The following ZNF431 variants were observed in gnomAD, a reference collection of about 807,000 sequenced individuals.
ZNF431 encodes zinc finger protein 431.
ZNF431 carries 34 observed loss-of-function variants against 57.0 expected under a neutral mutation model. The ratio of observed to expected loss-of-function variants is 0.60; its 90% CI spans 0.45 to 0.79. The LOEUF is 0.79. ZNF431 is among the 30% of genes least tolerant of loss of function. The pLI is 0.00. For missense variants in ZNF431, 607 were observed against 667.1 expected (o/e 0.91, Z 0.99); for synonymous variants, 207 against 220.3 (o/e 0.94, Z 0.54).
intron 2 of ZNF431, among the ~76,000 whole-genome samples, chr19:21,148,297 T>C (rs2144928766): frequency 6.6e-6 from 1 of 152,264 alleles, no homozygotes; most frequent in South Asian, 2.1e-4. Context: ...GCCCGGCCTC[T>C]TAATGAATCT....
chr19:21,149,028 A>G (rs967847343), intron 2 of ZNF431, among the ~76,000 whole-genome samples: 1 of 152,238 alleles, frequency 6.6e-6, no homozygotes, highest in Non-Finnish European at 1.5e-5. Flanking sequence ...TTCATGACTT[A>G]TACAGACCAT....
At chr19:21,146,435 A>C (rs2144922476) in intron 2 of ZNF431, among the ~76,000 whole-genome samples, 1 of 151,822 alleles carries the variant, frequency 6.6e-6, no homozygotes, top group South Asian at 2.1e-4. Context: ...AAAGAAGAAG[A>C]AAGAAAGTAA....
At chr19:21,154,210 C>T (rs1262748405) in intron 2 of ZNF431, among the ~76,000 whole-genome samples, 2 of 152,146 alleles carry the variant, frequency 1.3e-5, no homozygotes, top group East Asian at 1.9e-4. Context: ...TGATGTTCCC[C>T]TTCCTGTGTC....
At chr19:21,174,549 A>G (rs1023924778) in intron 4 of ZNF431, among the ~76,000 whole-genome samples, 1 of 152,192 alleles carries the variant, frequency 6.6e-6, no homozygotes, top group African/African-American at 2.4e-5. Flanking sequence ...GTTATATACA[A>G]GCATATTATA....
chr19:21,157,921 CT>C (rs1429040981), intron 2 of ZNF431, among the ~76,000 whole-genome samples: 2 of 150,644 alleles, frequency 1.3e-5, no homozygotes, highest in African/African-American at 4.9e-5. Flanking sequence ...TACCGTTCTG[CT>C]TTTGTTACCG....
intron 2 of ZNF431, among the ~76,000 whole-genome samples, chr19:21,147,232 A>G (rs1374420625): frequency 6.6e-6 from 1 of 152,146 alleles, no homozygotes; most frequent in Non-Finnish European, 1.5e-5. Flanking sequence ...CCTGCCTGTA[A>G]TCTCAGCCCT....
chr19:21,157,757 C>T (rs549987678), intron 2 of ZNF431, among the ~76,000 whole-genome samples: 17 of 151,508 alleles, frequency 1.1e-4, no homozygotes, highest in Non-Finnish European at 2.1e-4. Flanking sequence ...GTTTCAAACC[C>T]GACCCCATGA....
intron 2 of ZNF431, among the ~76,000 whole-genome samples, chr19:21,157,680 C>T (rs62124923): frequency 0.14 from 21,298 of 151,190 alleles, 1,848 homozygotes; most frequent in Non-Finnish European, 0.2. Flanking sequence ...TACAGGTGTG[C>T]GCCACCACGC....
In ZNF431 at chr19:21,167,653, G is replaced by A. The variant is rs764661029; in HGVS notation, c.306G>A (p.Val102=). ...GGAATATGAAGAGACATGAGATGGT[G>A]GATGAACCCCCAGGTAGGTGAGAGT... ...EPWNMKRHEM[V]DEPPAMCSYF... The change falls in exon 4 of 5, where the codon GTG becomes GTA. Residue 102 remains valine, a synonymous_variant. Transcript: ENST00000311048. The A allele has an allele frequency of 4.4e-6, 7 of 1,575,392 alleles. No individual in the cohort carries two copies. In the East Asian group the frequency reaches 1.4e-4, roughly 31 times the overall value.
At chr19:21,144,803 T>C (rs1380965876) in intron 2 of ZNF431, among the ~76,000 whole-genome samples, 1 of 152,184 alleles carries the variant, frequency 6.6e-6, no homozygotes, top group African/African-American at 2.4e-5. Context: ...GTGAGTTACA[T>C]AGATTCATGA....
At chr19:21,179,642 C>T (rs1399129258) in intron 4 of ZNF431, among the ~76,000 whole-genome samples, 1 of 150,002 alleles carries the variant, frequency 6.7e-6, no homozygotes, top group African/African-American at 2.5e-5. Flanking sequence ...TCACTGCAAC[C>T]TCCGCCTCCC....
At position 21,194,801 on chromosome 19, in the gene ZNF431, T is replaced by C. The variant is rs29724; in HGVS notation, c.*10767T>C. 0.35 allele frequency: 52,836 copies of C among 152,060 alleles called. 9,612 individuals are homozygous for C. The highest frequency in any genetic ancestry group is 0.37 in the African/African-American group (15,459 of 41,438). 9.4% of individuals were successfully genotyped at this position (152,060 alleles called of 1,614,324 possible). ...AGAAACATGATTTCTCGAATTTTGCTAGGATTTTAATTTACAAAAGAAAGG... is the reference window on the plus strand; with the variant it reads ...AGAAACATGATTTCTCGAATTTTGCCAGGATTTTAATTTACAAAAGAAAGG... On this transcript the variant is annotated 3_prime_UTR_variant, in exon 5 of 5. Coordinates refer to ENST00000311048, the MANE Select transcript of ZNF431 (RefSeq NM_133473.4).
chr19:21,176,995 G>A (rs1393905868), intron 4 of ZNF431, among the ~76,000 whole-genome samples: 1 of 152,142 alleles, frequency 6.6e-6, no homozygotes, highest in East Asian at 1.9e-4. Context: ...ACCACACCTG[G>A]TGATAATTAC....
At chr19:21,155,011 G>A (rs551172814) in intron 2 of ZNF431, among the ~76,000 whole-genome samples, 1 of 152,134 alleles carries the variant, frequency 6.6e-6, no homozygotes, top group Non-Finnish European at 1.5e-5. Flanking sequence ...CTGTGCAGAA[G>A]CTCTTGAGTT....
chr19:21,172,177 C>T (rs556521551), intron 4 of ZNF431, among the ~76,000 whole-genome samples: 2 of 150,590 alleles, frequency 1.3e-5, no homozygotes, highest in South Asian at 4.2e-4. Flanking sequence ...GCCTATAATC[C>T]CAGCACTTTG....
rs1970726861 is a variant in ZNF431, at chr19:21,166,588, C to T, written c.223+127C>T. On this transcript the variant is annotated intron_variant, in intron 3 of 4. Coordinates refer to ENST00000311048, the MANE Select transcript of ZNF431 (RefSeq NM_133473.4). ...TTCTAATCCCAGTTTTCAAGAAAAT[C>T]TTGATGATTTGTCCGTGTGGAAAAG... is the stretch of plus-strand genomic sequence containing the variant. 6 of 1,154,312 alleles carry T rather than the reference C, an allele frequency of 5.2e-6. No individual in the cohort carries two copies. In the South Asian group the frequency reaches 1.0e-4, roughly 19 times the overall value. The allele number at this position is 1,154,312 out of a possible 1,614,324, so 71.5% of individuals were successfully genotyped here. A position where few individuals can be genotyped will look rare whatever the true frequency, so the allele number is the denominator to read the frequency against.
At chr19:21,157,231 G>A (rs1555707096) in intron 2 of ZNF431, among the ~76,000 whole-genome samples, 2 of 151,696 alleles carry the variant, frequency 1.3e-5, no homozygotes, top group East Asian at 2.0e-4. Context: ...TCTGCCTCCT[G>A]GGTTCAAGCA....
chr19:21,160,431 T>A (rs890559065), intron 2 of ZNF431, among the ~76,000 whole-genome samples: 3 of 152,144 alleles, frequency 2.0e-5, no homozygotes, highest in Non-Finnish European at 4.4e-5. Context: ...TATACCTACG[T>A]GTAAAATGTC....
At chr19:21,164,940 G>A (rs777015833) in intron 2 of ZNF431, among the ~76,000 whole-genome samples, 2 of 151,612 alleles carry the variant, frequency 1.3e-5, no homozygotes, top group African/African-American at 2.4e-5. Context: ...GATAAACCCC[G>A]TCTCTACTAA....
Sources: gnomAD v4.1 joint callset for allele counts (sites outside exome capture counted in the v4.1 genomes callset) on GRCh38, gnomAD v4.1.1 for gene constraint, MANE v1.5 for transcripts, NCBI Gene and HGNC (gene_info 2026-07-23, HGNC 2026-07-21) for gene names.